The following THSD4 variants were observed in gnomAD, a reference collection of about 807,000 sequenced individuals.
THSD4 encodes thrombospondin type 1 domain containing 4.
In THSD4, 69 loss-of-function variants were observed where a neutral mutation model predicts 119.0. The ratio of observed to expected loss-of-function variants is 0.58; its 90% confidence interval spans 0.48 to 0.71. The LOEUF (loss-of-function observed/expected upper bound fraction) is 0.71, where lower values mean the gene tolerates loss of function less well. Among genes scored for constraint, THSD4 ranks in the 30% least tolerant of loss-of-function variants. The pLI is 0.00. For missense variants in THSD4, 1,393 were observed against 1,391.1 expected, an observed-to-expected ratio of 1.00 and a Z score of -0.02; for synonymous variants, 524 against 540.4, an observed-to-expected ratio of 0.97 and a Z score of 0.42.
At chr15:71,680,661 C>A (rs1453308859) in intron 8 of THSD4, among the ~76,000 whole-genome samples, 1 of 152,166 alleles carries the variant, frequency 6.6e-6, no homozygotes, top group South Asian at 2.1e-4. Flanking sequence ...AGTACTGTCT[C>A]AAACATTTCA....
Position 71,408,294 on chromosome 15 carries a change from A to G in THSD4, c.1016-3393A>G, listed in dbSNP as rs182431344. Among the ~76,000 whole-genome samples, 42 of 152,258 alleles carry G rather than the reference A, an allele frequency of 2.8e-4. No individual in the cohort carries two copies. The East Asian group carries it at 7.0e-3, about 25-fold the overall frequency. ...GTCATCCAGGCTGGAGTGCAGTCGT[A>G]CAGTCACAACTCATTGCAGCCTCAA... On this transcript the variant is annotated intron_variant, in intron 6 of 17. Transcript: ENST00000261862.
intron 8 of THSD4, among the ~76,000 whole-genome samples, chr15:71,716,581 T>TGTGTGTGTGTGTGTGTGTGG (rs1567116002): frequency 2.3e-5 from 1 of 43,334 alleles, no homozygotes; most frequent in Non-Finnish European, 5.6e-5. Context: ...TGTGTGTGTG[T>TGTGTGTGTGTGTGTGTGTGG]TGGTTTTTGT....
chr15:71,463,167 T>C (rs934658600), intron 7 of THSD4, among the ~76,000 whole-genome samples: 10 of 152,348 alleles, frequency 6.6e-5, no homozygotes, highest in African/African-American at 1.4e-4. Context: ...CTGGTCCAGC[T>C]CATTTTTCCA....
chr15:71,711,725 G>A (rs571356777), intron 8 of THSD4, among the ~76,000 whole-genome samples: 7 of 152,072 alleles, frequency 4.6e-5, no homozygotes, highest in Admixed American at 1.3e-4. Context: ...ATATTTCGGG[G>A]AAATACTAAT....
At position 71,687,078 on chromosome 15, in the gene THSD4, G is replaced by T. The variant is rs190104389; in HGVS notation, c.1357+26344G>T. ...TGCCTGTTGGCTGGTACCAAAGCAG[G>T]ATATCACGCTTCCTTCCAACATTTA... On this transcript the variant is annotated intron_variant, in intron 8 of 17. Coordinates refer to ENST00000261862, the MANE Select transcript of THSD4 (RefSeq NM_024817.3). Among the ~76,000 whole-genome samples, 9 of 152,250 alleles carry T rather than the reference G, an allele frequency of 5.9e-5. No individual in the cohort carries two copies. In the East Asian group the frequency reaches 1.7e-3, roughly 30 times the overall value.
intron 8 of THSD4, among the ~76,000 whole-genome samples, chr15:71,682,863 TC>T (rs2051815300): frequency 5.5e-5 from 1 of 18,192 alleles, no homozygotes; most frequent in African/African-American, 1.6e-4. Flanking sequence ...CTACTTTCTT[TC>T]TTTCTTTCTT....
At chr15:71,421,810 A>C (rs1450095752) in intron 7 of THSD4, among the ~76,000 whole-genome samples, 1 of 152,134 alleles carries the variant, frequency 6.6e-6, no homozygotes, top group Middle Eastern at 3.2e-3. Context: ...TTAGATTTGC[A>C]CTTCGGAGGC....
intron 8 of THSD4, among the ~76,000 whole-genome samples, chr15:71,705,103 C>T (rs1035595895): frequency 6.6e-6 from 1 of 152,106 alleles, no homozygotes; most frequent in Admixed American, 6.6e-5. Flanking sequence ...TGAAGATAAT[C>T]CTAATCCACT....
rs190664871 is a variant in THSD4, at chr15:71,580,921, C to T, written c.1153-79609C>T. ...CACATATGTGTGTGTTATATATATA[C>T]ACACACACACACCCCATATTCTCTT... On this transcript the variant is annotated intron_variant, in intron 7 of 17. Transcript: ENST00000261862. Among the ~76,000 whole-genome samples, 344 of 151,432 alleles carry T rather than the reference C, an allele frequency of 2.3e-3. 18 individuals are homozygous for T. The South Asian group carries it at 0.056, about 25-fold the overall frequency.
At chr15:71,253,709 A>G (rs1055462384) in intron 5 of THSD4, among the ~76,000 whole-genome samples, 1 of 152,206 alleles carries the variant, frequency 6.6e-6, no homozygotes, top group Non-Finnish European at 1.5e-5. Context: ...CATCTGGCCA[A>G]TTGTCACTTT....
At chr15:71,127,341 GAC>G (rs1366571640) in intron 1 of THSD4, among the ~76,000 whole-genome samples, 1 of 152,198 alleles carries the variant, frequency 6.6e-6, no homozygotes. Context: ...TTGATTCCAT[GAC>G]TTGGCTATTG....
intron 3 of THSD4, among the ~76,000 whole-genome samples, chr15:71,200,273 A>G (rs74021950): frequency 0.021 from 3,207 of 152,036 alleles, 122 homozygotes; most frequent in African/African-American, 0.074. Context: ...TTTGCACCTT[A>G]TGTTGACTAG....
chr15:71,477,072 T>G (rs762724540), intron 7 of THSD4, among the ~76,000 whole-genome samples: 3 of 152,184 alleles, frequency 2.0e-5, no homozygotes, highest in Non-Finnish European at 4.4e-5. Context: ...TTCACCAAGG[T>G]AAACATACAG....
chr15:71,111,523 A>C, upstream of THSD4: 1 of 820,022 alleles, frequency 1.2e-6, no homozygotes, highest in Non-Finnish European at 1.9e-6. Context: ...CAGCAAGTTG[A>C]CCAACTCTCA....
chr15:71,295,072 G>T (rs2044844909), intron 6 of THSD4, among the ~76,000 whole-genome samples: 1 of 152,126 alleles, frequency 6.6e-6, no homozygotes, highest in African/African-American at 2.4e-5. Context: ...CAGGCTGGAA[G>T]GGATGCTCTG....
chr15:71,738,309 A>T, intron 11 of THSD4: 1 of 297,064 alleles, frequency 3.4e-6, no homozygotes, highest in South Asian at 5.2e-5. Context: ...TCGCCCACCC[A>T]CCAGTCACCT....
intron 7 of THSD4, among the ~76,000 whole-genome samples, chr15:71,622,098 A>G (rs535085987): frequency 7.9e-5 from 12 of 152,164 alleles, no homozygotes; most frequent in Non-Finnish European, 1.3e-4. Context: ...AAAAGTTGGG[A>G]TCAGTTATCC....
intron 5 of THSD4, among the ~76,000 whole-genome samples, chr15:71,251,913 G>A (rs1234802493): frequency 6.6e-6 from 1 of 152,160 alleles, no homozygotes; most frequent in Non-Finnish European, 1.5e-5. Context: ...TAGAACTTTG[G>A]ATAGGGCTCA....
intron 6 of THSD4, among the ~76,000 whole-genome samples, chr15:71,368,461 A>G (rs2045998244): frequency 6.6e-6 from 1 of 152,194 alleles, no homozygotes; most frequent in Non-Finnish European, 1.5e-5. Flanking sequence ...TAATTTTTGT[A>G]TAAGGTGTAA....
Sources: allele counts gnomAD v4.1 joint callset (sites outside exome capture counted in the v4.1 genomes callset), GRCh38; gene constraint gnomAD v4.1.1; transcripts MANE v1.5; gene names NCBI Gene and HGNC (gene_info 2026-07-23, HGNC 2026-07-21).